Variants in ASH1L observed in about 807,000 individuals in gnomAD.
ASH1L encodes the protein ASH1 like histone lysine methyltransferase.
In ASH1L, 23 loss-of-function variants were observed where a neutral mutation model predicts 269.0. The observed-to-expected ratio is 0.09, with a 90% CI of 0.06 to 0.12. ASH1L has a LOEUF of 0.12. ASH1L is among the 10% of genes least tolerant of loss of function. The probability of loss-of-function intolerance (pLI) is 1.00; values close to 1 mark genes in which losing one functional copy is unlikely to be tolerated. For synonymous variants in ASH1L, 1,187 were observed against 1,253.5 expected (o/e 0.95, Z 1.12); for missense variants, 2,912 against 3,567.8 (o/e 0.82, Z 4.68).
intron 7 of ASH1L, among the ~76,000 whole-genome samples, chr1:155,389,999 A>G (rs1337137412): frequency 6.7e-6 from 1 of 150,362 alleles, no homozygotes; most frequent in Non-Finnish European, 1.5e-5. Flanking sequence ...ACTCTTACTC[A>G]TCTTCTTGAC....
chr1:155,523,487 G>A (rs1230278901), intron 1 of ASH1L, among the ~76,000 whole-genome samples: 1 of 152,152 alleles, frequency 6.6e-6, no homozygotes, highest in African/African-American at 2.4e-5. Context: ...GCAAGACCCT[G>A]TCTCAAGGGA....
At chr1:155,496,345 T>C (rs776801444) in intron 2 of ASH1L, among the ~76,000 whole-genome samples, 1 of 152,184 alleles carries the variant, frequency 6.6e-6, no homozygotes, top group Non-Finnish European at 1.5e-5. Context: ...CTGTCATTGA[T>C]CCAAACATGA....
At chr1:155,517,641 TAAAACAAA>T (rs1384394649) in intron 2 of ASH1L, among the ~76,000 whole-genome samples, 1 of 98,650 alleles carries the variant, frequency 1.0e-5, no homozygotes, top group Non-Finnish European at 2.7e-5. Context: ...AGACTCCATC[TAAAACAAA>T]CAAACAAACA....
At chr1:155,400,942 TTG>T (rs1301249942) in intron 6 of ASH1L, among the ~76,000 whole-genome samples, 1 of 151,446 alleles carries the variant, frequency 6.6e-6, no homozygotes, top group African/African-American at 2.4e-5. Flanking sequence ...GGCAGATCAC[TTG>T]AGGCAAGGAG....
intron 3 of ASH1L, among the ~76,000 whole-genome samples, chr1:155,471,842 G>C (rs1001937762): frequency 1.3e-5 from 2 of 152,228 alleles, no homozygotes; most frequent in African/African-American, 4.8e-5. Flanking sequence ...GCAGTCTCAT[G>C]ATGAACTCTG....
Position 155,438,818 on chromosome 1 carries a change from G to C in ASH1L, c.5337C>G (p.Ile1779Met), listed in dbSNP as rs913508836. The C allele has an allele frequency of 5.0e-6, 8 of 1,614,116 alleles. No homozygotes were observed. Among genetic ancestry groups the C allele is most frequent in the Non-Finnish European group, 5.9e-6 (7 of 1,180,062 alleles). ...TTGTCAACTTTTCAGATAGGAGTGA[G>C]ATGCTATTATTGCAAGAGTCACTTG... ...AVTSDSCNNS[I>M]SLLSEKLTSS... The change falls in exon 5 of 28, where the codon ATC (isoleucine) becomes ATG (methionine). Residue 1779 changes from isoleucine (I) to methionine (M), a missense_variant. Transcript: ENST00000392403.
chr1:155,421,663 T>G (rs1660695736), intron 5 of ASH1L, among the ~76,000 whole-genome samples: 1 of 150,358 alleles, frequency 6.7e-6, no homozygotes, highest in Non-Finnish European at 1.5e-5. Context: ...AGAGCAAGAC[T>G]CCATCTCAAA....
At chr1:155,548,250 A>G (rs945134977) in intron 1 of ASH1L, among the ~76,000 whole-genome samples, 9 of 152,152 alleles carry the variant, frequency 5.9e-5, no homozygotes, top group Non-Finnish European at 1.3e-4. Flanking sequence ...AGCTGGATGC[A>G]GTGGCTCACG....
At chr1:155,384,133 T>C (rs143335911) in intron 7 of ASH1L, among the ~76,000 whole-genome samples, 4 of 152,324 alleles carry the variant, frequency 2.6e-5, no homozygotes, top group Admixed American at 2.0e-4. Flanking sequence ...TATATCCATG[T>C]TTTTGCTTAC....
intron 1 of ASH1L, among the ~76,000 whole-genome samples, chr1:155,543,241 T>C (rs1255593172): frequency 6.6e-6 from 1 of 152,026 alleles, no homozygotes; most frequent in Non-Finnish European, 1.5e-5. Flanking sequence ...CCGGGCGTGG[T>C]GGCTCATGCC....
At chr1:155,414,242 C>A (rs542490646) in intron 6 of ASH1L, among the ~76,000 whole-genome samples, 62 of 152,240 alleles carry the variant, frequency 4.1e-4, no homozygotes, top group African/African-American at 1.4e-3. Flanking sequence ...TTATCTTAAA[C>A]AAACCTATAC....
intron 4 of ASH1L, among the ~76,000 whole-genome samples, chr1:155,449,626 TCTC>T (rs1159914127): frequency 1.3e-5 from 2 of 151,654 alleles, no homozygotes; most frequent in Non-Finnish European, 2.9e-5. Flanking sequence ...TTCACGCCAT[TCTC>T]CTACCTCAGC....
At chr1:155,423,508 G>A (rs1660887056) in intron 5 of ASH1L, among the ~76,000 whole-genome samples, 2 of 152,044 alleles carry the variant, frequency 1.3e-5, no homozygotes, top group East Asian at 3.9e-4. Flanking sequence ...GGCAGAGGTT[G>A]CAGTGAGCCA....
intron 10 of ASH1L, among the ~76,000 whole-genome samples, chr1:155,374,387 G>T (rs945947351): frequency 6.6e-6 from 1 of 152,078 alleles, no homozygotes; most frequent in Non-Finnish European, 1.5e-5. Flanking sequence ...ATACCTTAAA[G>T]TACTTTCAGA....
At chr1:155,535,596 A>G (rs1669997877) in intron 1 of ASH1L, among the ~76,000 whole-genome samples, 1 of 151,940 alleles carries the variant, frequency 6.6e-6, no homozygotes, top group South Asian at 2.1e-4. Context: ...CAGTAAGCTA[A>G]GAAAATATCA....
In ASH1L at chr1:155,478,102, C is replaced by T. The variant is rs1177649673; in HGVS notation, c.4768G>A (p.Gly1590Arg). 29 of 1,613,972 alleles carry T rather than the reference C, an allele frequency of 1.8e-5. No individual in the cohort carries two copies. In the Admixed American group the frequency reaches 4.8e-4, roughly 27 times the overall value. The change falls in exon 3 of 28, where the codon GGA becomes AGA. Residue 1590 changes from glycine to arginine, a missense_variant. Physicochemically the swap from Gly to Arg is moderately radical, Grantham distance 125. This residue lies in a region of ASH1L where 789 missense variants were observed against 897.6 expected (regional missense o/e 0.88). Transcript: ENST00000392403. The surrounding 1 kb of genome is among the most constrained non-coding windows in gnomAD (Gnocchi z 4.6). ...SESSPSLSLGGFTPNSEPASS... is the reference protein window; with the variant it reads ...SESSPSLSLGRFTPNSEPASS... ...GCTGGCTCAGAGTTGGGAGTGAATC[C>T]TCCAAGGGATAAGCTTGGAGAACTT...
In ASH1L at chr1:155,335,939, A is replaced by G. The variant is rs1467563195; in HGVS notation, c.*1721T>C. ...AATGAAAAACAAAAGAAACCACTCA[A>G]ACGGGCTTGGACATGCGATTTTTCC... On this transcript the variant is annotated 3_prime_UTR_variant, in exon 28 of 28. Coordinates refer to ENST00000392403, the MANE Select transcript of ASH1L (RefSeq NM_018489.3). 1 of 152,628 alleles carries G rather than the reference A, an allele frequency of 6.6e-6. No homozygotes were observed. The highest frequency in any genetic ancestry group is 1.9e-4 in the East Asian group (1 of 5,338). 9.5% of individuals were successfully genotyped at this position (152,628 alleles called of 1,614,324 possible).
At chr1:155,519,185 A>G (rs1196951256) in intron 2 of ASH1L, among the ~76,000 whole-genome samples, 1 of 152,214 alleles carries the variant, frequency 6.6e-6, no homozygotes, top group Non-Finnish European at 1.5e-5. Context: ...CTGTCATCCC[A>G]GCACTTTGGG....
chr1:155,473,298 C>A (rs1485974828), intron 3 of ASH1L, among the ~76,000 whole-genome samples: 1 of 152,144 alleles, frequency 6.6e-6, no homozygotes, highest in African/African-American at 2.4e-5. Flanking sequence ...TGTGTGGCTT[C>A]TCTCAATGTT....
Sources: gnomAD v4.1 joint callset for allele counts (sites outside exome capture counted in the v4.1 genomes callset) on GRCh38, gnomAD v4.1.1 for gene constraint, gnomAD v4.1.1 regional missense constraint, Gnocchi (gnomAD v3.1) non-coding constraint, MANE v1.5 for transcripts, NCBI Gene and HGNC (gene_info 2026-07-23, HGNC 2026-07-21) for gene names.